Variants in RASSF2 observed in about 807,000 individuals in gnomAD.
The protein encoded by RASSF2 is ras association domain-containing protein 2.
A neutral mutation model predicts 46.3 loss-of-function variants in RASSF2; 34 were observed. That is an observed-to-expected ratio of 0.73 (90% CI 0.56 to 0.98). The LOEUF is 0.98. Among genes scored for constraint, RASSF2 ranks in the 50% least tolerant of loss-of-function variants. The probability of loss-of-function intolerance (pLI) is 0.00; values close to 1 mark genes in which losing one functional copy is unlikely to be tolerated. For missense variants in RASSF2, 364 were observed against 431.2 expected (o/e 0.84, Z 1.38); for synonymous variants, 158 against 162.5 (o/e 0.97, Z 0.21).
At chr20:4,811,761 C>T (rs927796062) in intron 2 of RASSF2, among the ~76,000 whole-genome samples, 1 of 152,178 alleles carries the variant, frequency 6.6e-6, no homozygotes, top group Non-Finnish European at 1.5e-5. Flanking sequence ...AACCCCAGCC[C>T]CAGGCCCCAA....
In RASSF2 at chr20:4,812,966, C is replaced by T. The variant is rs1228000750; in HGVS notation, c.-33+9363G>A. ...GCGAGTGAGTGACCAGCCCAGAGGA[C>T]AAGCTGTGGGAAAAGCAGACCCTGC... On this transcript the variant is annotated intron_variant, in intron 2 of 11. Transcript: ENST00000379400. This position sits in a 1 kb window ranked among gnomAD's most constrained non-coding sequence, Gnocchi z 4.0. Among the ~76,000 whole-genome samples the T allele has an allele frequency of 6.6e-6, 1 of 152,108 alleles. No individual in the cohort carries two copies. The highest frequency in any genetic ancestry group is 2.4e-5 in the African/African-American group (1 of 41,426).
intron 8 of RASSF2, 85 bp downstream of exon 8, chr20:4,789,511 T>A (rs934616321): frequency 8.6e-7 from 1 of 1,157,242 alleles, no homozygotes; most frequent in African/African-American, 1.5e-5. Context: ...AACACACAAT[T>A]TCCATAGCTC....
At chr20:4,789,472 A>G in intron 8 of RASSF2, 124 bp downstream of exon 8, 1 of 721,562 alleles carries the variant, frequency 1.4e-6, no homozygotes, top group Non-Finnish European at 2.3e-6. Flanking sequence ...GATCTAAAGA[A>G]CCGAAGCCCT....
At chr20:4,818,630 C>G (rs550540041) in intron 2 of RASSF2, among the ~76,000 whole-genome samples, 36 of 152,278 alleles carry the variant, frequency 2.4e-4, no homozygotes, top group African/African-American at 8.7e-4. Flanking sequence ...AGCAGGGCTT[C>G]CCCCAAAGCC....
intron 5 of RASSF2, among the ~76,000 whole-genome samples, chr20:4,793,962 C>T (rs1269832225): frequency 6.6e-6 from 1 of 152,212 alleles, no homozygotes; most frequent in Non-Finnish European, 1.5e-5. Flanking sequence ...GCAGCCCAAA[C>T]CAAAGGCCAC....
chr20:4,817,665 C>G (rs929520560), intron 2 of RASSF2, among the ~76,000 whole-genome samples: 3 of 152,134 alleles, frequency 2.0e-5, no homozygotes, highest in African/African-American at 4.8e-5. Flanking sequence ...TGGAGACACA[C>G]CATGCCGGAG....
intron 8 of RASSF2, among the ~76,000 whole-genome samples, chr20:4,789,049 A>C (rs1365006483): frequency 6.6e-6 from 1 of 152,190 alleles, no homozygotes; most frequent in Non-Finnish European, 1.5e-5. Context: ...TTCCATTAAA[A>C]ATAAGAACAC....
chr20:4,795,992 G>A lies in RASSF2; in HGVS notation c.136-26C>T, dbSNP rs1351944780. ...CTGCCCACAAAGCAATCAGAGTAGTGAGCCTAGAAAAGCCCCCACAGAAGC... is the reference window on the plus strand; with the variant it reads ...CTGCCCACAAAGCAATCAGAGTAGTAAGCCTAGAAAAGCCCCCACAGAAGC... On this transcript the variant is annotated intron_variant, in intron 4 of 11. Coordinates refer to ENST00000379400, the MANE Select transcript of RASSF2 (RefSeq NM_014737.3). The surrounding 1 kb of genome is among the most constrained non-coding windows in gnomAD (Gnocchi z 4.0). 1.1e-5 allele frequency: 17 copies of A among 1,481,358 alleles called. No homozygotes were observed. Among genetic ancestry groups the A allele is most frequent in the African/African-American group, 4.3e-5 (3 of 69,650 alleles). The allele number at this position is 1,481,358 out of a possible 1,614,324, so 91.8% of individuals were successfully genotyped here. A position where few individuals can be genotyped will look rare whatever the true frequency, so the allele number is the denominator to read the frequency against.
At chr20:4,787,324 G>T (rs750671642) in intron 10 of RASSF2, among the ~76,000 whole-genome samples, 1 of 152,114 alleles carries the variant, frequency 6.6e-6, no homozygotes, top group Non-Finnish European at 1.5e-5. Context: ...AGTAACTACT[G>T]CCCCAAAAGC....
chr20:4,806,404 G>A (rs1348124152), intron 2 of RASSF2, among the ~76,000 whole-genome samples: 1 of 152,150 alleles, frequency 6.6e-6, no homozygotes, highest in African/African-American at 2.4e-5. Context: ...CCAGGGAAAT[G>A]TTATTCTATC....
chr20:4,802,029 C>T (rs752325716), intron 2 of RASSF2, among the ~76,000 whole-genome samples: 3 of 152,190 alleles, frequency 2.0e-5, no homozygotes, highest in African/African-American at 2.4e-5. Context: ...CGTGAGCCAC[C>T]GCGCCCAGCA....
intron 2 of RASSF2, among the ~76,000 whole-genome samples, chr20:4,816,260 C>T (rs1928297962): frequency 6.6e-6 from 1 of 152,136 alleles, no homozygotes; most frequent in African/African-American, 2.4e-5. Flanking sequence ...CAGCCATGAC[C>T]ACACCTCTGT....
rs552579491 is a variant in RASSF2, at chr20:4,817,611, C to CA, written c.-33+4717dup. Among the ~76,000 whole-genome samples, 87 of 151,772 alleles carry CA rather than the reference C, an allele frequency of 5.7e-4. 3 individuals carry two copies. In the South Asian group the frequency reaches 0.016, roughly 28 times the overall value. The stretch of plus-strand genomic sequence containing the variant: ...TCAGAAAGGAAGGGACCATCCGTTC[C>CA]AAAAAAAACCAGTCCCTCCCTCCCC... On this transcript the variant is annotated intron_variant, in intron 2 of 11. Coordinates refer to ENST00000379400, the MANE Select transcript of RASSF2 (RefSeq NM_014737.3).
At position 4,792,586 on chromosome 20, in the gene RASSF2, GAGA is replaced by G. The variant is rs1388778798; in HGVS notation, c.326_328del (p.Ile109_Ser110delinsThr). On this transcript the variant is annotated inframe_deletion, in exon 6 of 12. Coordinates refer to ENST00000379400, the MANE Select transcript of RASSF2 (RefSeq NM_014737.3). ...ACCCTCCGGCGGGGCATCCACCTCT[GAGA>G]TCTGAACTTTGGGCACAGTCAGGGG... 7 of 1,614,006 alleles carry G rather than the reference GAGA, an allele frequency of 4.3e-6. No individual in the cohort carries two copies. Among genetic ancestry groups the G allele is most frequent in the Admixed American group, 1.7e-5 (1 of 59,996 alleles).
At chr20:4,810,979 CCGACGTCACAG>C (rs1331546790) in intron 2 of RASSF2, among the ~76,000 whole-genome samples, 4 of 152,078 alleles carry the variant, frequency 2.6e-5, no homozygotes, top group Non-Finnish European at 5.9e-5. Flanking sequence ...TTAGAGACAC[CCGACGTCACAG>C]CGATTCTGAC....
chr20:4,794,603 G>A (rs1164067307), intron 5 of RASSF2, among the ~76,000 whole-genome samples: 3 of 152,050 alleles, frequency 2.0e-5, no homozygotes, highest in East Asian at 3.9e-4. Context: ...CAGCTGCTGG[G>A]GAGTCTGAGT....
Position 4,787,713 on chromosome 20 carries a change from G to A in RASSF2, c.733C>T (p.Arg245Ter), listed in dbSNP as rs757887568. 18 of 1,613,950 alleles carry A rather than the reference G, an allele frequency of 1.1e-5. No individual in the cohort carries two copies. The highest frequency in any genetic ancestry group is 1.5e-5 in the Non-Finnish European group (18 of 1,180,028). ...LKATDYPLIA[R>*]ILQGPCEQIS... ...TGCTCACATGGGCCCTGGAGGATTC[G>A]GGCAATCAGCGGGTAATCGGTGGCC... Residue 245 changes from arginine to a stop codon, truncating the protein, a stop_gained, in exon 10 of 12, where the codon CGA (arginine) becomes TGA (stop). Coordinates refer to ENST00000379400, the MANE Select transcript of RASSF2 (RefSeq NM_014737.3). LOFTEE classifies it high-confidence loss of function.
intron 2 of RASSF2, among the ~76,000 whole-genome samples, chr20:4,813,237 C>G (rs1454976336): frequency 6.6e-6 from 1 of 152,170 alleles, no homozygotes; most frequent in Non-Finnish European, 1.5e-5. Flanking sequence ...CGGAGCTGCC[C>G]CTGCCTGGCC....
chr20:4,815,370 G>A (rs1158246290), intron 2 of RASSF2, among the ~76,000 whole-genome samples: 1 of 137,036 alleles, frequency 7.3e-6, no homozygotes, highest in Non-Finnish European at 1.7e-5. Context: ...TTAGGAAGGG[G>A]CACTGATTAT....
Sources: gnomAD v4.1 joint callset for allele counts (sites outside exome capture counted in the v4.1 genomes callset) on GRCh38, gnomAD v4.1.1 for gene constraint, Gnocchi (gnomAD v3.1) non-coding constraint, MANE v1.5 for transcripts, NCBI Gene and HGNC (gene_info 2026-07-23, HGNC 2026-07-21) for gene names.